The following TEP1 variants were observed in gnomAD, a reference collection of about 807,000 sequenced individuals.
TEP1 encodes telomerase protein component 1.
TEP1 carries 241 observed loss-of-function variants against 306.3 expected under a neutral mutation model. The ratio of observed to expected loss-of-function variants is 0.79; its 90% confidence interval spans 0.71 to 0.88. The LOEUF (loss-of-function observed/expected upper bound fraction) is 0.88. TEP1 is among the 40% of genes least tolerant of loss of function. The pLI is 0.00. For missense variants in TEP1, 3,051 were observed against 3,276.1 expected (o/e 0.93, Z 1.68); for synonymous variants, 1,289 against 1,305.5 (o/e 0.99, Z 0.27).
chr14:20,380,994 C>T lies in TEP1; in HGVS notation c.4699G>A (p.Val1567Met), dbSNP rs765270688. The T allele has an allele frequency of 6.2e-7, 1 of 1,614,152 alleles. No individual in the cohort carries two copies. Among genetic ancestry groups the T allele is most frequent in the East Asian group, 2.2e-5 (1 of 44,864 alleles). ...LLSKFLTNLH[V>M]VAAHLELGLV... The stretch of plus-strand genomic sequence containing the variant: ...CCCAATTCCAAGTGTGCAGCCACCA[C>T]ATGGAGGTTGGTAAGGAACTTCGAA... Residue 1567 changes from valine to methionine, a missense_variant, in exon 33 of 55, where the codon GTG becomes ATG. By Grantham distance (21) the Val-to-Met change is conservative (BLOSUM62 1). Around this residue, in one of 3 missense-constraint regions of TEP1, gnomAD observed 1,540 missense variants for 1,705.9 expected, o/e 0.90. Coordinates refer to ENST00000262715, the MANE Select transcript of TEP1 (RefSeq NM_007110.5).
At position 20,384,687 on chromosome 14, in the gene TEP1, T is replaced by C. The variant is rs761032947; in HGVS notation, c.3134A>G (p.Asp1045Gly). 1.9e-6 allele frequency: 3 copies of C among 1,612,590 alleles called. No individual in the cohort carries two copies. The highest frequency in any genetic ancestry group is 2.5e-6 in the Non-Finnish European group (3 of 1,179,986). The stretch of plus-strand genomic sequence containing the variant: ...GGCCTCTTCAGACTCAGAAACAAAG[T>C]CAGATTTCCAGGCATCTGGCACAGA... ...LSSVPDAWKS[D>G]FVSESEEAAR... Residue 1045 changes from aspartate (D) to glycine (G), a missense_variant, in exon 22 of 55, where the codon GAC (aspartate) becomes GGC (glycine). Physicochemically the swap from Asp to Gly is moderately conservative, Grantham distance 94. Coordinates refer to ENST00000262715, the MANE Select transcript of TEP1 (RefSeq NM_007110.5).
intron 2 of TEP1, 138 bp downstream of exon 2, chr14:20,407,735 G>A: frequency 1.3e-6 from 1 of 753,046 alleles, no homozygotes; most frequent in Non-Finnish European, 2.2e-6. Flanking sequence ...TGCAACAAAA[G>A]GCACCTTAGG....
At chr14:20,378,951 A>G in intron 36 of TEP1, 30 bp downstream of exon 36, 1 of 1,614,060 alleles carries the variant, frequency 6.2e-7, no homozygotes, top group East Asian at 2.2e-5. Flanking sequence ...GAAGGCCCTC[A>G]TTCCAAGACA....
chr14:20,368,757 G>T lies in TEP1; in HGVS notation c.7761+41C>A, dbSNP rs8020335. ...GACATCCCTTTGGGATAGGTGTGCA[G>T]GCGCACGCACACACACACACACACA... On this transcript the variant is annotated intron_variant, in intron 54 of 54. Coordinates refer to ENST00000262715, the MANE Select transcript of TEP1 (RefSeq NM_007110.5). 2.5e-3 allele frequency: 3,260 copies of T among 1,322,598 alleles called. 68 individuals are homozygous for T. In the African/African-American group the frequency reaches 0.056, roughly 23 times the overall value. 81.9% of individuals were successfully genotyped at this position (1,322,598 alleles called of 1,614,324 possible). A position where few individuals can be genotyped will look rare whatever the true frequency, so the allele number is the denominator to read the frequency against.
chr14:20,405,324 G>C, intron 4 of TEP1, 127 bp downstream of exon 4: 1 of 1,319,416 alleles, frequency 7.6e-7, no homozygotes, highest in Non-Finnish European at 1.0e-6. Context: ...GACTCACCCA[G>C]AAATCCTTCC....
intron 41 of TEP1, 61 bp downstream of exon 41, chr14:20,377,215 TAAAA>T: frequency 4.4e-6 from 5 of 1,133,456 alleles, no homozygotes; most frequent in Non-Finnish European, 4.8e-6. Flanking sequence ...AGCTCTGTCT[TAAAA>T]AAAAAAAAAA....
chr14:20,387,999 T>C lies in TEP1; in HGVS notation c.2590A>G (p.Lys864Glu). 1 of 1,614,126 alleles carries C rather than the reference T, an allele frequency of 6.2e-7. No homozygotes were observed. The highest frequency in any genetic ancestry group is 8.5e-7 in the Non-Finnish European group (1 of 1,180,014). The change falls in exon 18 of 55, where the codon AAG becomes GAG. Residue 864 changes from lysine to glutamate, a missense_variant. Transcript: ENST00000262715. The part of the protein sequence containing the change: ...EHVGQMDKIF[K>E]IPPPPGKTGV... ...GTCTTTCCTGGGGGTGGTGGAATCT[T>C]GAATATTTTGTCCATTTGGCCCACA...
chr14:20,403,408 T>TA lies in TEP1; in HGVS notation c.1234dup (p.Tyr412LeufsTer13), dbSNP rs1566481064. On this transcript the variant is annotated frameshift_variant, in exon 7 of 55. Transcript: ENST00000262715. LOFTEE classifies it high-confidence loss of function. ...CTGCTCTTCTCTGAGAAACCCTATG[T>TA]ACCTTGGAAAACATCTGTGAGAAAA... is the stretch of plus-strand genomic sequence containing the variant. 6.2e-7 allele frequency: 1 copy of TA among 1,614,150 alleles called. No individual in the cohort carries two copies.
chr14:20,395,503 T>C lies in TEP1; in HGVS notation c.1875A>G (p.Ile625Met). 1 of 1,613,410 alleles carries C rather than the reference T, an allele frequency of 6.2e-7. No individual in the cohort carries two copies. The highest frequency in any genetic ancestry group is 8.5e-7 in the Non-Finnish European group (1 of 1,179,642). Residue 625 changes from isoleucine to methionine, a missense_variant, in exon 12 of 55, where the codon ATA (isoleucine) becomes ATG (methionine). Ile to Met is a conservative substitution (Grantham distance 10). Around this residue, in one of 3 missense-constraint regions of TEP1, gnomAD observed 1,507 missense variants for 1,550.5 expected, o/e 0.97. Coordinates refer to ENST00000262715, the MANE Select transcript of TEP1 (RefSeq NM_007110.5). Reference sequence around the variant, plus strand: ...TCTTGAGCTGCTCATACAACACAGGTATCCTCATTGCCATCCGAAGCTGCT... The same window carrying C: ...TCTTGAGCTGCTCATACAACACAGGCATCCTCATTGCCATCCGAAGCTGCT... ...SRQQLRMAMR[I>M]PVLYEQLKRE... is the part of the protein sequence containing the mutation.
chr14:20,387,852 AGG>A (rs1877332280), intron 18 of TEP1, 51 bp downstream of exon 18: 1 of 1,540,584 alleles, frequency 6.5e-7, no homozygotes, highest in Non-Finnish European at 8.7e-7. Context: ...GGGTTTCCCA[AGG>A]TTTGACTGCA....
In TEP1 at chr14:20,368,510, A is replaced by G. The variant is rs768553449; in HGVS notation, c.7811T>C (p.Leu2604Pro). The G allele has an allele frequency of 1.5e-5, 25 of 1,614,204 alleles. No individual in the cohort carries two copies. Among genetic ancestry groups the G allele is most frequent in the Non-Finnish European group, 2.1e-5 (25 of 1,180,032 alleles). The change falls in exon 55 of 55, where the codon CTG (leucine) becomes CCG (proline). Residue 2604 changes from leucine (L) to proline (P), a missense_variant. Around this residue, in one of 3 missense-constraint regions of TEP1, gnomAD observed 1,540 missense variants for 1,705.9 expected, o/e 0.90. Coordinates refer to ENST00000262715, the MANE Select transcript of TEP1 (RefSeq NM_007110.5). ...AAGCTGCAGGGTGGAGTTAGCGCCCAGCCAAGGTTCCAGGCAGCTCACTGA... is the reference window on the plus strand; with the variant it reads ...AAGCTGCAGGGTGGAGTTAGCGCCCGGCCAAGGTTCCAGGCAGCTCACTGA... The part of the protein sequence containing the change: ...EGSVSCLEPW[L>P]GANSTLQLAV...
At chr14:20,379,218 G>A in intron 35 of TEP1, 113 bp from the exon 36 acceptor site, 2 of 1,381,348 alleles carry the variant, frequency 1.4e-6, no homozygotes, top group South Asian at 1.4e-5. Flanking sequence ...ATGAGTCCTT[G>A]GCTCTCTATG....
intron 10 of TEP1, among the ~76,000 whole-genome samples, chr14:20,396,226 T>C (rs1878195423): frequency 6.6e-6 from 1 of 152,222 alleles, no homozygotes. Flanking sequence ...CCCAGCACTT[T>C]GGGAGCCTTA....
intron 18 of TEP1, 106 bp from the exon 19 acceptor site, chr14:20,386,729 C>G (rs1019706798): frequency 4.8e-6 from 6 of 1,263,026 alleles, no homozygotes; most frequent in Middle Eastern, 2.1e-4. Flanking sequence ...CCAGGTACGA[C>G]AGACAGCAGA....
chr14:20,384,703 C>T lies in TEP1; in HGVS notation c.3118G>A (p.Asp1040Asn). Residue 1040 changes from aspartate (D) to asparagine (N), a missense_variant, in exon 22 of 55, where the codon GAT becomes AAT. Around this residue, in one of 3 missense-constraint regions of TEP1, gnomAD observed 1,507 missense variants for 1,550.5 expected, o/e 0.97. Transcript: ENST00000262715. ...GAAACAAAGTCAGATTTCCAGGCAT[C>T]TGGCACAGAGCTGACCACCAAAGAC... ...RDSSFLSSVP[D>N]AWKSDFVSES... 6.2e-7 allele frequency: 1 copy of T among 1,611,074 alleles called. No homozygotes were observed.
chr14:20,378,842 G>T lies in TEP1; in HGVS notation c.5264C>A (p.Thr1755Asn). The change falls in exon 37 of 55, where the codon ACT (threonine) becomes AAT (asparagine). Residue 1755 changes from threonine to asparagine, a missense_variant. Coordinates refer to ENST00000262715, the MANE Select transcript of TEP1 (RefSeq NM_007110.5). ...AGTGATTTGGTACTGGTGAGCCTTA[G>T]TCTGCAGCACCCTATCCCAGGAAGA... ...DLQHGCRVLQ[T>N]KAHQYQITGC... The T allele has an allele frequency of 6.2e-7, 1 of 1,614,218 alleles. No homozygotes were observed. Among genetic ancestry groups the T allele is most frequent in the South Asian group, 1.1e-5 (1 of 91,086 alleles).
At position 20,381,210 on chromosome 14, in the gene TEP1, G is replaced by T; in HGVS notation, c.4647+103C>A. ...AAAGAGGTCAAGGGAGTTTGGGAGGGGTAATGGCGGCGGTGATGGTGGAGA... is the reference window on the plus strand; with the variant it reads ...AAAGAGGTCAAGGGAGTTTGGGAGGTGTAATGGCGGCGGTGATGGTGGAGA... On this transcript the variant is annotated intron_variant, in intron 32 of 54. Coordinates refer to ENST00000262715, the MANE Select transcript of TEP1 (RefSeq NM_007110.5). This position sits in a 1 kb window ranked among gnomAD's most constrained non-coding sequence, Gnocchi z 4.0. The T allele has an allele frequency of 3.9e-6, 5 of 1,292,620 alleles. No homozygotes were observed. The East Asian group carries it at 6.9e-5, about 18-fold the overall frequency. The allele number at this position is 1,292,620 out of a possible 1,614,324, so 80.1% of individuals were successfully genotyped here.
chr14:20,407,175 G>T (rs1007167752), intron 2 of TEP1, among the ~76,000 whole-genome samples: 5 of 152,210 alleles, frequency 3.3e-5, no homozygotes, highest in African/African-American at 1.2e-4. Context: ...ACGTGTATTT[G>T]CACATGCACA....
chr14:20,395,749 C>A, intron 11 of TEP1, 110 bp downstream of exon 11: 1 of 1,491,692 alleles, frequency 6.7e-7, no homozygotes, highest in Non-Finnish European at 9.2e-7. Context: ...TGCCCCCCAC[C>A]CCGATACACC....
Sources: gnomAD v4.1 joint callset for allele counts (sites outside exome capture counted in the v4.1 genomes callset) on GRCh38, gnomAD v4.1.1 for gene constraint, gnomAD v4.1.1 regional missense constraint, Gnocchi (gnomAD v3.1) non-coding constraint, MANE v1.5 for transcripts, NCBI Gene and HGNC (gene_info 2026-07-23, HGNC 2026-07-21) for gene names.